The following RANBP2 variants were observed in gnomAD, a reference collection of about 807,000 sequenced individuals.
The protein encoded by RANBP2 is E3 SUMO-protein ligase RanBP2.
In RANBP2, 57 loss-of-function variants were observed where a neutral mutation model predicts 303.6. The ratio of observed to expected loss-of-function variants is 0.19; its 90% CI spans 0.15 to 0.23. The LOEUF (loss-of-function observed/expected upper bound fraction) is 0.23. Ranked by LOEUF, RANBP2 falls within the 10% of genes least tolerant of loss-of-function variation. RANBP2 has a pLI of 1.00. For missense variants in RANBP2, 3,138 were observed against 3,780.8 expected, an observed-to-expected ratio of 0.83 and a Z score of 4.46; for synonymous variants, 1,167 against 1,301.5, an observed-to-expected ratio of 0.90 and a Z score of 2.23.
At chr2:109,508,482 G>A in the RANBP2 span, among the ~76,000 whole-genome samples, 10 of 152,166 alleles carry the variant, frequency 6.6e-5, no homozygotes, top group Admixed American at 4.6e-4. Context: ...CGCGTCTTCC[G>A]AGGGCCACCA....
At chr2:109,492,738 C>T in the RANBP2 span, among the ~76,000 whole-genome samples, 28 of 152,266 alleles carry the variant, frequency 1.8e-4, no homozygotes, top group South Asian at 5.0e-3. Context: ...TCATGGCCCA[C>T]GCCCTGAGCT....
chr2:109,402,271 C>G, the RANBP2 span, among the ~76,000 whole-genome samples: 1 of 152,242 alleles, frequency 6.6e-6, no homozygotes, highest in African/African-American at 2.4e-5. Flanking sequence ...CCATGGCAGC[C>G]AAGGCGAGCC....
the RANBP2 span, among the ~76,000 whole-genome samples, chr2:109,640,014 A>G: frequency 1.5e-4 from 23 of 151,790 alleles, no homozygotes; most frequent in Non-Finnish European, 2.8e-4. Flanking sequence ...CCCAGCCATA[A>G]TACTAGATTA....
the RANBP2 span, among the ~76,000 whole-genome samples, chr2:109,453,752 T>C: frequency 1.3e-5 from 2 of 152,098 alleles, no homozygotes; most frequent in African/African-American, 4.8e-5. Context: ...AAACAGGCGA[T>C]TGATTGCAGG....
the RANBP2 span, among the ~76,000 whole-genome samples, chr2:109,426,963 AATATAT>A: frequency 4.4e-5 from 5 of 113,488 alleles, no homozygotes; most frequent in Admixed American, 3.6e-4. Context: ...AGGGCAATAA[AATATAT>A]ATATATATAT....
the RANBP2 span, among the ~76,000 whole-genome samples, chr2:109,730,327 C>T: frequency 2.0e-5 from 3 of 152,138 alleles, no homozygotes; most frequent in Admixed American, 6.5e-5. Flanking sequence ...AGGTGTTCCT[C>T]TAAAGATGTA....
chr2:108,754,038 C>G, intron 15 of RANBP2, 67 bp downstream of exon 15: 1 of 1,610,434 alleles, frequency 6.2e-7, no homozygotes, highest in Non-Finnish European at 8.5e-7. Context: ...TTGCGTTGGT[C>G]TTATATTTTG....
the RANBP2 span, among the ~76,000 whole-genome samples, chr2:109,078,094 A>ATG: frequency 1.0e-4 from 1 of 9,684 alleles, no homozygotes; most frequent in African/African-American, 1.9e-4. Flanking sequence ...ATATATATAT[A>ATG]TATATATATA....
chr2:109,585,202 G>A, the RANBP2 span: 1 of 1,612,284 alleles, frequency 6.2e-7, no homozygotes, highest in Non-Finnish European at 8.5e-7. Flanking sequence ...TTACTTTCCT[G>A]GAGTTCATAT....
chr2:109,632,655 A>C, the RANBP2 span, among the ~76,000 whole-genome samples: 2 of 152,110 alleles, frequency 1.3e-5, no homozygotes, highest in South Asian at 4.2e-4. Context: ...CCCCGTTTCT[A>C]CTAAAAATAC....
At chr2:109,014,144 G>A in the RANBP2 span, among the ~76,000 whole-genome samples, 2 of 152,288 alleles carry the variant, frequency 1.3e-5, no homozygotes, top group Middle Eastern at 6.8e-3. Context: ...AAATCCATCA[G>A]ATTATCTCCT....
At chr2:109,427,073 A>T in the RANBP2 span, among the ~76,000 whole-genome samples, 2 of 151,984 alleles carry the variant, frequency 1.3e-5, no homozygotes, top group Non-Finnish European at 2.9e-5. Flanking sequence ...GGTTCAAGCG[A>T]TTCTCTGGCC....
the RANBP2 span, among the ~76,000 whole-genome samples, chr2:109,406,365 C>G: frequency 2.0e-5 from 3 of 152,008 alleles, no homozygotes; most frequent in African/African-American, 7.2e-5. Flanking sequence ...AGCAGGTGCC[C>G]GAGGACCCTA....
chr2:109,064,887 G>C, the RANBP2 span, among the ~76,000 whole-genome samples: 2 of 152,150 alleles, frequency 1.3e-5, no homozygotes, highest in Admixed American at 1.3e-4. Context: ...AGATGCTTTA[G>C]AAATTATGGA....
the RANBP2 span, among the ~76,000 whole-genome samples, chr2:109,515,919 A>C: frequency 1.3e-5 from 2 of 152,130 alleles, no homozygotes; most frequent in South Asian, 2.1e-4. Flanking sequence ...CGACCCAAAC[A>C]CCGCCTGCCA....
chr2:109,713,942 A>G, the RANBP2 span, among the ~76,000 whole-genome samples: 1 of 152,224 alleles, frequency 6.6e-6, no homozygotes, highest in Non-Finnish European at 1.5e-5. Flanking sequence ...TGGATATCCT[A>G]TAATTTAACT....
intron 23 of RANBP2, 138 bp downstream of exon 23, chr2:108,773,184 C>T (rs931408082): frequency 6.0e-5 from 54 of 894,100 alleles, no homozygotes; most frequent in African/African-American, 8.3e-5. Flanking sequence ...ATGGCATGCT[C>T]GTGGCTCAAT....
chr2:109,087,346 C>T, the RANBP2 span, among the ~76,000 whole-genome samples: 2 of 152,174 alleles, frequency 1.3e-5, no homozygotes, highest in African/African-American at 2.4e-5. Flanking sequence ...CAAAATGCTG[C>T]TGCGGGGGTT....
the RANBP2 span, among the ~76,000 whole-genome samples, chr2:109,463,841 C>G: frequency 2.0e-5 from 3 of 152,174 alleles, no homozygotes; most frequent in Admixed American, 6.5e-5. Context: ...CCCTTTCTCC[C>G]TGTCACAACT....
Sources: gnomAD v4.1 joint callset for allele counts (sites outside exome capture counted in the v4.1 genomes callset) on GRCh38, gnomAD v4.1.1 for gene constraint, MANE v1.5 for transcripts, NCBI Gene and HGNC (gene_info 2026-07-23, HGNC 2026-07-21) for gene names.